Variants in PDE10A observed in about 807,000 individuals in gnomAD.
PDE10A encodes phosphodiesterase 10A.
PDE10A carries 39 observed loss-of-function variants against 97.7 expected under a neutral mutation model. The ratio of observed to expected loss-of-function variants is 0.40; its 90% CI spans 0.31 to 0.52. The LOEUF is 0.52. PDE10A is among the 20% of genes least tolerant of loss of function. The pLI, the probability that PDE10A is intolerant of heterozygous loss-of-function variation, is 0.56. For missense variants in PDE10A, 731 were observed against 1,047.8 expected (o/e 0.70, Z 4.17); for synonymous variants, 371 against 376.8 (o/e 0.98, Z 0.18).
intron 1 of PDE10A, among the ~76,000 whole-genome samples, chr6:165,604,452 G>A (rs2128397349): frequency 6.6e-6 from 1 of 150,574 alleles, no homozygotes; most frequent in Admixed American, 6.6e-5. Context: ...TAGGTGACAT[G>A]CCCACGTGAG....
chr6:165,813,295 G>T (rs1233980266), intron 1 of PDE10A, among the ~76,000 whole-genome samples: 9 of 147,546 alleles, frequency 6.1e-5, no homozygotes, highest in African/African-American at 2.2e-4. Context: ...TTATATTTTT[G>T]AGGAAGTTTG....
At chr6:165,821,901 G>GT (rs11316149) in intron 1 of PDE10A, among the ~76,000 whole-genome samples, 2 of 151,320 alleles carry the variant, frequency 1.3e-5, no homozygotes, top group African/African-American at 4.9e-5. Context: ...GAGGTGCCGG[G>GT]TTTTTTTTTC....
At chr6:165,986,728 C>T (rs1404300864) in intron 1 of PDE10A, 4 of 151,432 alleles carry the variant, frequency 2.6e-5, no homozygotes, top group African/African-American at 9.8e-5. Flanking sequence ...GACTCCTGGC[C>T]CTGTCTAGCT....
At chr6:165,672,279 A>G (rs1377523548) in intron 1 of PDE10A, among the ~76,000 whole-genome samples, 1 of 152,242 alleles carries the variant, frequency 6.6e-6, no homozygotes, top group African/African-American at 2.4e-5. Context: ...TCCTCAATTT[A>G]GGACAAACAC....
intron 1 of PDE10A, among the ~76,000 whole-genome samples, chr6:165,643,382 A>G (rs1789240107): frequency 6.6e-6 from 1 of 152,168 alleles, no homozygotes; most frequent in Non-Finnish European, 1.5e-5. Flanking sequence ...AGTCTCCCAC[A>G]TTCACAGATG....
intron 1 of PDE10A, among the ~76,000 whole-genome samples, chr6:165,575,034 A>G (rs1785232994): frequency 6.6e-6 from 1 of 152,166 alleles, no homozygotes; most frequent in African/African-American, 2.4e-5. Flanking sequence ...CTTTTGAGTC[A>G]GGTATTTGCC....
At chr6:165,367,799 T>TAA (rs113551461) in intron 18 of PDE10A, among the ~76,000 whole-genome samples, 45 of 150,018 alleles carry the variant, frequency 3.0e-4, no homozygotes, top group East Asian at 2.0e-3. Flanking sequence ...ATTCTTAGAT[T>TAA]AAAAAAAAAC....
At chr6:165,621,228 G>A (rs1025112055) in intron 1 of PDE10A, among the ~76,000 whole-genome samples, 1 of 145,226 alleles carries the variant, frequency 6.9e-6, no homozygotes, top group Non-Finnish European at 1.5e-5. Flanking sequence ...AAGATACATT[G>A]AAAACATTTA....
chr6:165,557,150 A>T (rs1784298755), intron 1 of PDE10A, among the ~76,000 whole-genome samples: 1 of 152,148 alleles, frequency 6.6e-6, no homozygotes, highest in South Asian at 2.1e-4. Context: ...AAAAAAAAAA[A>T]TTCTTATAAA....
intron 1 of PDE10A, among the ~76,000 whole-genome samples, chr6:165,622,019 A>G (rs1169535597): frequency 1.3e-5 from 2 of 152,166 alleles, no homozygotes; most frequent in Non-Finnish European, 2.9e-5. Context: ...TACCCTCTAT[A>G]ATGTGTCATC....
intron 1 of PDE10A, among the ~76,000 whole-genome samples, chr6:165,756,490 A>G (rs1399649497): frequency 6.6e-6 from 1 of 152,206 alleles, no homozygotes; most frequent in Non-Finnish European, 1.5e-5. Flanking sequence ...ATATGAATAT[A>G]TACCTCACAC....
At chr6:165,430,589 T>C (rs954393592) in intron 8 of PDE10A, among the ~76,000 whole-genome samples, 10 of 131,116 alleles carry the variant, frequency 7.6e-5, no homozygotes, top group Admixed American at 7.3e-4. Context: ...GGAATTTACA[T>C]TTCATAATGG....
intron 13 of PDE10A, among the ~76,000 whole-genome samples, chr6:165,404,613 C>G (rs567639476): frequency 6.6e-6 from 1 of 151,866 alleles, no homozygotes; most frequent in Non-Finnish European, 1.5e-5. Context: ...GCATGAGGGT[C>G]TCTCACAAGG....
intron 18 of PDE10A, among the ~76,000 whole-genome samples, chr6:165,369,809 T>G (rs987672779): frequency 2.0e-5 from 3 of 148,866 alleles, no homozygotes; most frequent in Non-Finnish European, 4.4e-5. Flanking sequence ...AAGGAAAAAA[T>G]GTTAAGGGCA....
chr6:165,963,806 C>A (rs1237245118), intron 1 of PDE10A, among the ~76,000 whole-genome samples: 1 of 152,176 alleles, frequency 6.6e-6, no homozygotes, highest in East Asian at 1.9e-4. Flanking sequence ...CTGTGCTGTG[C>A]CTCCTCCTCT....
Position 165,747,593 on chromosome 6 carries a change from T to G in PDE10A, c.-614-204025A>C, listed in dbSNP as rs571131527. Among the ~76,000 whole-genome samples, 44 of 152,258 alleles carry G rather than the reference T, an allele frequency of 2.9e-4. No homozygotes were observed. The South Asian group carries it at 8.7e-3, about 30-fold the overall frequency. ...GTGCTGAAAATGATCAAGTTTTTTT[T>G]TTTAATGGAATGTGTGAATAAATCC... On this transcript the variant is annotated intron_variant, in intron 1 of 19. Coordinates refer to the PDE10A transcript ENST00000366882.
intron 1 of PDE10A, among the ~76,000 whole-genome samples, chr6:165,626,082 AC>A (rs1294191710): frequency 6.6e-6 from 1 of 152,092 alleles, no homozygotes; most frequent in East Asian, 1.9e-4. Flanking sequence ...GAAGGACAAA[AC>A]CCAACTCAAG....
intron 1 of PDE10A, among the ~76,000 whole-genome samples, chr6:165,789,976 A>G (rs1168258684): frequency 6.6e-6 from 1 of 152,202 alleles, no homozygotes; most frequent in Admixed American, 6.5e-5. Context: ...AGAAAGAGAA[A>G]GGCCACATTT....
At position 165,862,464 on chromosome 6, in the gene PDE10A, G is replaced by A. The variant is rs117190236; in HGVS notation, c.-615+125065C>T. On this transcript the variant is annotated intron_variant, in intron 1 of 19. Transcript: ENST00000366882. ...CACAAGTTAAGAGACTGTGGATGCCGTTATGTACCAGTGCATGGCCACATC... is the reference window on the plus strand; with the variant it reads ...CACAAGTTAAGAGACTGTGGATGCCATTATGTACCAGTGCATGGCCACATC... Among the ~76,000 whole-genome samples the A allele has an allele frequency of 1.1e-3, 162 of 152,268 alleles. 4 individuals carry two copies. In the East Asian group the frequency reaches 0.027, roughly 25 times the overall value.
Sources: allele counts gnomAD v4.1 joint callset (sites outside exome capture counted in the v4.1 genomes callset), GRCh38; gene constraint gnomAD v4.1.1; transcripts MANE v1.5; gene names NCBI Gene and HGNC (gene_info 2026-07-23, HGNC 2026-07-21).